The following TMTC2 variants were observed in gnomAD, a reference collection of about 807,000 sequenced individuals.
TMTC2 encodes the protein transmembrane O-mannosyltransferase targeting cadherins 2, also known as protein O-mannosyl-transferase TMTC2.
A neutral mutation model predicts 82.4 loss-of-function variants in TMTC2; 43 were observed. The ratio of observed to expected loss-of-function variants is 0.52; its 90% CI spans 0.41 to 0.67. The LOEUF is 0.67. Ranked by LOEUF, TMTC2 falls within the 30% of genes least tolerant of loss-of-function variation. The pLI is 0.00. For missense variants in TMTC2, 919 were observed against 1,012.4 expected, an observed-to-expected ratio of 0.91 and a Z score of 1.25; for synonymous variants, 408 against 381.9, an observed-to-expected ratio of 1.07 and a Z score of -0.80.
At chr12:83,104,258 A>G (rs945279561) in intron 11 of TMTC2, among the ~76,000 whole-genome samples, 1 of 152,184 alleles carries the variant, frequency 6.6e-6, no homozygotes, top group Non-Finnish European at 1.5e-5. Flanking sequence ...CTAGAGGGCA[A>G]TGATCTCTGT....
chr12:82,811,090 G>A (rs1009625365), intron 1 of TMTC2, among the ~76,000 whole-genome samples: 3 of 152,020 alleles, frequency 2.0e-5, no homozygotes, highest in Non-Finnish European at 4.4e-5. Context: ...AAATTAGCCA[G>A]GCGTGGTGGC....
intron 6 of TMTC2, 99 bp downstream of exon 6, chr12:82,965,843 A>C: frequency 1.6e-6 from 2 of 1,286,072 alleles, no homozygotes; most frequent in South Asian, 2.4e-5. Flanking sequence ...TGTCCTTTGA[A>C]CAACTAATAT....
At chr12:82,726,876 C>T (rs546438606) in intron 1 of TMTC2, among the ~76,000 whole-genome samples, 1 of 119,682 alleles carries the variant, frequency 8.4e-6, no homozygotes, top group African/African-American at 3.2e-5. Flanking sequence ...AAGACTCTGT[C>T]TCAAAAAAAA....
At chr12:82,975,897 T>A (rs533949024) in intron 7 of TMTC2, among the ~76,000 whole-genome samples, 44 of 151,600 alleles carry the variant, frequency 2.9e-4, no homozygotes, top group African/African-American at 8.2e-4. Flanking sequence ...AACTTTTTTT[T>A]AAAAAAAAAA....
intron 4 of TMTC2, among the ~76,000 whole-genome samples, chr12:82,943,747 A>G (rs1338829641): frequency 6.6e-6 from 1 of 152,248 alleles, no homozygotes; most frequent in Non-Finnish European, 1.5e-5. Context: ...ATATGAATTT[A>G]CATTTTGGAA....
At chr12:82,841,007 T>A (rs2137089377) in intron 1 of TMTC2, among the ~76,000 whole-genome samples, 1 of 152,294 alleles carries the variant, frequency 6.6e-6, no homozygotes, top group East Asian at 1.9e-4. Context: ...CTCAAACACC[T>A]GACCTCAGGT....
At chr12:82,806,955 A>T (rs1206414954) in intron 1 of TMTC2, among the ~76,000 whole-genome samples, 1 of 152,142 alleles carries the variant, frequency 6.6e-6, no homozygotes. Context: ...TTGTCCATGA[A>T]AATCTACCCA....
intron 8 of TMTC2, among the ~76,000 whole-genome samples, chr12:83,010,866 C>T (rs558626425): frequency 1.3e-5 from 2 of 152,128 alleles, no homozygotes; most frequent in South Asian, 2.1e-4. Flanking sequence ...TGGAGTTTCA[C>T]TCTTGTCACC....
intron 1 of TMTC2, among the ~76,000 whole-genome samples, chr12:82,729,856 C>G (rs1378224130): frequency 1.3e-5 from 2 of 152,176 alleles, no homozygotes; most frequent in Non-Finnish European, 2.9e-5. Context: ...AGCTGTAACA[C>G]TCATGGCGAA....
intron 1 of TMTC2, among the ~76,000 whole-genome samples, chr12:82,833,518 ATTTC>A (rs1869863579): frequency 6.6e-6 from 1 of 152,190 alleles, no homozygotes; most frequent in Admixed American, 6.5e-5. Flanking sequence ...AAACATATCT[ATTTC>A]TTTTTCTCAA....
intron 3 of TMTC2, among the ~76,000 whole-genome samples, chr12:82,924,255 G>C (rs994654293): frequency 2.0e-5 from 3 of 152,142 alleles, no homozygotes; most frequent in African/African-American, 7.2e-5. Flanking sequence ...GACTTTGGTT[G>C]GGTGATTTGG....
At chr12:83,123,580 A>G (rs1284657675) in intron 11 of TMTC2, among the ~76,000 whole-genome samples, 3 of 152,094 alleles carry the variant, frequency 2.0e-5, no homozygotes, top group African/African-American at 7.2e-5. Context: ...AATTGTATTA[A>G]TCTTGCATTT....
At chr12:82,840,841 G>A (rs1192423954) in intron 1 of TMTC2, among the ~76,000 whole-genome samples, 13 of 152,162 alleles carry the variant, frequency 8.5e-5, no homozygotes, top group South Asian at 2.1e-4. Flanking sequence ...GTACAGTGGC[G>A]TGATCTTGGC....
chr12:82,987,294 C>T lies in TMTC2; in HGVS notation c.2070+1248C>T, dbSNP rs78357583. ...CAAAAATTAGCCAAGGGTGGTAATGCGTCCCTGTTATCCCAGCTACTCAGG... is the reference window on the plus strand; with the variant it reads ...CAAAAATTAGCCAAGGGTGGTAATGTGTCCCTGTTATCCCAGCTACTCAGG... On this transcript the variant is annotated intron_variant, in intron 8 of 11. Coordinates refer to ENST00000321196, the MANE Select transcript of TMTC2 (RefSeq NM_152588.3). Among the ~76,000 whole-genome samples the T allele has an allele frequency of 7.4e-3, 1,123 of 151,680 alleles. 7 individuals carry two copies. The highest frequency in any genetic ancestry group is 0.024 in the Middle Eastern group (7 of 292).
intron 8 of TMTC2, among the ~76,000 whole-genome samples, chr12:83,019,590 T>A (rs1241424262): frequency 6.6e-6 from 1 of 152,158 alleles, no homozygotes; most frequent in Non-Finnish European, 1.5e-5. Flanking sequence ...AAGCTTATAA[T>A]CCTACCCACT....
At position 83,132,419 on chromosome 12, in the gene TMTC2, T is replaced by C. The variant is rs370954931; in HGVS notation, c.*30T>C. The C allele has an allele frequency of 3.0e-5, 48 of 1,608,582 alleles. 1 individual carries two copies. The highest frequency in any genetic ancestry group is 2.9e-4 in the East Asian group (13 of 44,744). On this transcript the variant is annotated 3_prime_UTR_variant, in exon 12 of 12. Transcript: ENST00000321196. ...GGAGGCAGAAGCCCATCCTCCTCCATTTTTAAAAGCTGGCTTCCTTAGCAG... is the reference window on the plus strand; with the variant it reads ...GGAGGCAGAAGCCCATCCTCCTCCACTTTTAAAAGCTGGCTTCCTTAGCAG...
chr12:82,803,544 C>T lies in TMTC2; in HGVS notation c.84-53466C>T, dbSNP rs190236206. Among the ~76,000 whole-genome samples the T allele has an allele frequency of 2.0e-5, 3 of 152,134 alleles. No individual in the cohort carries two copies. In the East Asian group the frequency reaches 5.8e-4, roughly 29 times the overall value. On this transcript the variant is annotated intron_variant, in intron 1 of 11. Transcript: ENST00000321196. Reference sequence around the variant, plus strand: ...CACTTGAAATTGCTAATTGGCAGCTCAGGAATTGGATGAGTAGGCTTGGGC... The same window carrying T: ...CACTTGAAATTGCTAATTGGCAGCTTAGGAATTGGATGAGTAGGCTTGGGC...
chr12:82,852,583 GC>G (rs1871038887), intron 1 of TMTC2, among the ~76,000 whole-genome samples: 1 of 152,074 alleles, frequency 6.6e-6, no homozygotes, highest in African/African-American at 2.4e-5. Flanking sequence ...TTTCACGGAA[GC>G]AACCTCAAAA....
At chr12:82,688,931 A>C (rs1465407845) in intron 1 of TMTC2, among the ~76,000 whole-genome samples, 2 of 152,214 alleles carry the variant, frequency 1.3e-5, no homozygotes, top group Non-Finnish European at 2.9e-5. Context: ...CTGTTAAAAA[A>C]TCACCTGATA....
Sources: gnomAD v4.1 joint callset for allele counts (sites outside exome capture counted in the v4.1 genomes callset) on GRCh38, gnomAD v4.1.1 for gene constraint, MANE v1.5 for transcripts, NCBI Gene and HGNC (gene_info 2026-07-23, HGNC 2026-07-21) for gene names.